The following RUSC2 variants were observed in gnomAD, a reference collection of about 807,000 sequenced individuals.
The protein encoded by RUSC2 is AP-4 complex accessory subunit RUSC2.
RUSC2 carries 34 observed loss-of-function variants against 122.2 expected under a neutral mutation model. The observed-to-expected ratio is 0.28, with a 90% CI of 0.21 to 0.37. The LOEUF is 0.37. RUSC2 is among the 10% of genes least tolerant of loss of function. The pLI is 1.00. For missense variants in RUSC2, 1,747 were observed against 1,952.4 expected, an observed-to-expected ratio of 0.89 and a Z score of 1.98; for synonymous variants, 784 against 790.0, an observed-to-expected ratio of 0.99 and a Z score of 0.13.
intron 1 of RUSC2, among the ~76,000 whole-genome samples, chr9:35,533,527 T>C (rs1821464499): frequency 6.6e-6 from 1 of 152,222 alleles, no homozygotes; most frequent in African/African-American, 2.4e-5. Flanking sequence ...TCAATTGTTT[T>C]AGTATATTCA....
rs753275938 is a variant in RUSC2, at chr9:35,547,104, C to G, written c.583C>G (p.Leu195Val). The G allele has an allele frequency of 6.2e-7, 1 of 1,614,122 alleles. No homozygotes were observed. The highest frequency in any genetic ancestry group is 1.7e-5 in the Admixed American group (1 of 60,026). Residue 195 changes from leucine (L) to valine (V), a missense_variant, in exon 2 of 12, where the codon CTG (leucine) becomes GTG (valine). Physicochemically the swap from Leu to Val is conservative, Grantham distance 32. Coordinates refer to ENST00000361226, the MANE Select transcript of RUSC2 (RefSeq NM_014806.5). This position sits in a 1 kb window ranked among gnomAD's most constrained non-coding sequence, Gnocchi z 4.6. ...CGTSHCCRPE[L>V]EAETMELDEC... ...CACCAGCCACTGCTGCCGGCCAGAG[C>G]TGGAAGCAGAGACTATGGAGCTGGA...
chr9:35,560,069 T>C lies in RUSC2; in HGVS notation c.3429T>C (p.Ser1143=), dbSNP rs745570178. Reference sequence around the variant, plus strand: ...ACTACCAGCCCTGGGGCTTCCTGAGTGCAGCTCATACCGTGTGTCCCGGCC... The same window carrying C: ...ACTACCAGCCCTGGGGCTTCCTGAGCGCAGCTCATACCGTGTGTCCCGGCC... ...QTHYQPWGFL[S]AAHTVCPGLF... The change falls in exon 10 of 12, where the codon AGT becomes AGC. Residue 1143 remains serine, a synonymous_variant. Coordinates refer to ENST00000361226, the MANE Select transcript of RUSC2 (RefSeq NM_014806.5). The C allele has an allele frequency of 2.5e-6, 4 of 1,612,620 alleles. No homozygotes were observed. The South Asian group carries it at 4.4e-5, about 18-fold the overall frequency.
chr9:35,513,550 T>C (rs1418108414), intron 1 of RUSC2, among the ~76,000 whole-genome samples: 1 of 151,652 alleles, frequency 6.6e-6, no homozygotes, highest in Non-Finnish European at 1.5e-5. Flanking sequence ...ACCTGAGAGT[T>C]GTACTTTGTA....
chr9:35,540,616 G>A (rs749611567), intron 1 of RUSC2, among the ~76,000 whole-genome samples: 1 of 152,142 alleles, frequency 6.6e-6, no homozygotes, highest in Non-Finnish European at 1.5e-5. Flanking sequence ...GGCAGGAGGT[G>A]GGATTGGCAA....
rs1052362481 is a variant in RUSC2, at chr9:35,547,668, T to C, written c.1147T>C (p.Phe383Leu). The part of the protein sequence containing the change: ...CPAVADLTAC[F>L]QSQARLVVAT... ...AGCAGTGGCTGACCTCACAGCCTGCTTCCAAAGCCAGGCCCGTCTTGTTGT... is the reference window on the plus strand; with the variant it reads ...AGCAGTGGCTGACCTCACAGCCTGCCTCCAAAGCCAGGCCCGTCTTGTTGT... Residue 383 changes from phenylalanine (F) to leucine (L), a missense_variant, in exon 2 of 12, where the codon TTC becomes CTC. Phe to Leu is a conservative substitution (Grantham distance 22, BLOSUM62 0). Transcript: ENST00000361226. The surrounding 1 kb of genome is among the most constrained non-coding windows in gnomAD (Gnocchi z 4.6). The C allele has an allele frequency of 1.2e-6, 2 of 1,614,054 alleles. No individual in the cohort carries two copies. Among genetic ancestry groups the C allele is most frequent in the African/African-American group, 2.7e-5 (2 of 74,928 alleles).
At chr9:35,496,570 T>G (rs1820717761) in intron 1 of RUSC2, among the ~76,000 whole-genome samples, 1 of 152,204 alleles carries the variant, frequency 6.6e-6, no homozygotes, top group East Asian at 1.9e-4. Context: ...GATACGTCAA[T>G]TCCTGGTGTT....
At chr9:35,500,095 ATTTCCT>A (rs1208609353) in intron 1 of RUSC2, among the ~76,000 whole-genome samples, 2 of 152,126 alleles carry the variant, frequency 1.3e-5, no homozygotes, top group African/African-American at 4.8e-5. Context: ...AAGACTAATG[ATTTCCT>A]TTTAAACATC....
intron 1 of RUSC2, among the ~76,000 whole-genome samples, chr9:35,492,982 T>G (rs1820597969): frequency 1.3e-5 from 2 of 152,048 alleles, no homozygotes; most frequent in East Asian, 1.9e-4. Flanking sequence ...TTTTTGTTTT[T>G]TGGGTTTTTT....
chr9:35,509,029 A>C (rs1820967803), intron 1 of RUSC2, among the ~76,000 whole-genome samples: 1 of 152,192 alleles, frequency 6.6e-6, no homozygotes, highest in African/African-American at 2.4e-5. Flanking sequence ...TCTTTAAAAA[A>C]AAAAGTTAGA....
In RUSC2 at chr9:35,548,592, C is replaced by T; in HGVS notation, c.2014+57C>T. The T allele has an allele frequency of 6.6e-7, 1 of 1,514,288 alleles. No homozygotes were observed. Among genetic ancestry groups the T allele is most frequent in the East Asian group, 2.3e-5 (1 of 43,222 alleles). 93.8% of individuals were successfully genotyped at this position (1,514,288 alleles called of 1,614,324 possible). A position where few individuals can be genotyped will look rare whatever the true frequency, so the allele number is the denominator to read the frequency against. ...CTATTCACCAGCAGGATATGCATGG[C>T]CACCTCCCTGACAGGTCCCTGCCAG... On this transcript the variant is annotated intron_variant, in intron 2 of 11. Transcript: ENST00000361226. The surrounding 1 kb of genome is among the most constrained non-coding windows in gnomAD (Gnocchi z 4.5).
At position 35,559,207 on chromosome 9, in the gene RUSC2, T is replaced by C; in HGVS notation, c.3342-19T>C. 1 of 1,606,812 alleles carries C rather than the reference T, an allele frequency of 6.2e-7. No individual in the cohort carries two copies. The highest frequency in any genetic ancestry group is 8.5e-7 in the Non-Finnish European group (1 of 1,173,366). Reference sequence around the variant, plus strand: ...TGTATTCACACAAGACTCAACTCTCTTCACCTGTCTCCCTACAGCATCCGG... The same window carrying C: ...TGTATTCACACAAGACTCAACTCTCCTCACCTGTCTCCCTACAGCATCCGG... On this transcript the variant is annotated intron_variant, in intron 8 of 11. Coordinates refer to ENST00000361226, the MANE Select transcript of RUSC2 (RefSeq NM_014806.5).
At position 35,546,645 on chromosome 9, in the gene RUSC2, C is replaced by T. The variant is rs1329761446; in HGVS notation, c.124C>T (p.Pro42Ser). ...AGGTGGAGGTGGTGGGAGCACAAGA[C>T]CTAATCCCTTCTGCCCACCTGAGCT... ...GAGGGGGSTR[P>S]NPFCPPELGI... is the part of the protein sequence containing the mutation. Residue 42 changes from proline to serine, a missense_variant, in exon 2 of 12, where the codon CCT (proline) becomes TCT (serine). Physicochemically the swap from Pro to Ser is moderately conservative, Grantham distance 74 (BLOSUM62 -1). Coordinates refer to ENST00000361226, the MANE Select transcript of RUSC2 (RefSeq NM_014806.5). The surrounding 1 kb of genome is among the most constrained non-coding windows in gnomAD (Gnocchi z 4.3). 5 of 1,572,494 alleles carry T rather than the reference C, an allele frequency of 3.2e-6. No individual in the cohort carries two copies. Among genetic ancestry groups the T allele is most frequent in the South Asian group, 1.2e-5 (1 of 83,016 alleles).
At chr9:35,559,720 G>A (rs1483493901) in intron 9 of RUSC2, among the ~76,000 whole-genome samples, 3 of 152,192 alleles carry the variant, frequency 2.0e-5, no homozygotes, top group Non-Finnish European at 2.9e-5. Flanking sequence ...GGGCAACAGA[G>A]TGAGACTCAG....
chr9:35,529,594 C>T (rs1265213740), intron 1 of RUSC2, among the ~76,000 whole-genome samples: 1 of 150,622 alleles, frequency 6.6e-6, no homozygotes, highest in African/African-American at 2.4e-5. Context: ...TTTTACTGTG[C>T]AAGCCACGTA....
chr9:35,560,928 G>A, intron 10 of RUSC2, 32 bp from the exon 11 acceptor site: 1 of 1,608,582 alleles, frequency 6.2e-7, no homozygotes. Context: ...AGCCCATCCT[G>A]GGCAGAGCCT....
chr9:35,557,788 C>A lies in RUSC2; in HGVS notation c.2984-126C>A. Reference sequence around the variant, plus strand: ...CAGGCCTGAATGTTTTGATAAGACCCATGTGCAGATGTGGAGACGGAGTAA... The same window carrying A: ...CAGGCCTGAATGTTTTGATAAGACCAATGTGCAGATGTGGAGACGGAGTAA... On this transcript the variant is annotated intron_variant, in intron 5 of 11. Coordinates refer to ENST00000361226, the MANE Select transcript of RUSC2 (RefSeq NM_014806.5). This position sits in a 1 kb window ranked among gnomAD's most constrained non-coding sequence, Gnocchi z 4.6. The A allele has an allele frequency of 1.3e-6, 1 of 763,598 alleles. No homozygotes were observed. The highest frequency in any genetic ancestry group is 1.5e-5 in the South Asian group (1 of 67,122). The allele number at this position is 763,598 out of a possible 1,614,324, so 47.3% of individuals were successfully genotyped here.
At chr9:35,505,938 G>A (rs1820907923) in intron 1 of RUSC2, among the ~76,000 whole-genome samples, 1 of 152,064 alleles carries the variant, frequency 6.6e-6, no homozygotes, top group Non-Finnish European at 1.5e-5. Context: ...AATAAAAGGA[G>A]GATGTTCATT....
chr9:35,529,760 T>C (rs1399995948), intron 1 of RUSC2, among the ~76,000 whole-genome samples: 2 of 152,072 alleles, frequency 1.3e-5, no homozygotes, highest in Non-Finnish European at 2.9e-5. Context: ...GAGCATGGTG[T>C]GTAATGAAGG....
At chr9:35,497,967 A>G (rs373508667) in intron 1 of RUSC2, among the ~76,000 whole-genome samples, 10 of 152,178 alleles carry the variant, frequency 6.6e-5, no homozygotes, top group African/African-American at 1.4e-4. Flanking sequence ...AACTTTGCCT[A>G]TATTCTCAGC....
Sources: gnomAD v4.1 joint callset for allele counts (sites outside exome capture counted in the v4.1 genomes callset) on GRCh38, gnomAD v4.1.1 for gene constraint, Gnocchi (gnomAD v3.1) non-coding constraint, MANE v1.5 for transcripts, NCBI Gene and HGNC (gene_info 2026-07-23, HGNC 2026-07-21) for gene names.